Variants in CBLN4 observed in about 807,000 individuals in gnomAD.
CBLN4 encodes the protein cerebellin 4 precursor.
In CBLN4, 7 loss-of-function variants were observed where a neutral mutation model predicts 14.9. That is an observed-to-expected ratio of 0.47 (90% CI 0.27 to 0.88). The LOEUF is 0.88. Ranked by LOEUF, CBLN4 falls within the 40% of genes least tolerant of loss-of-function variation. CBLN4 has a pLI of 0.14. For synonymous variants in CBLN4, 131 were observed against 116.5 expected, an observed-to-expected ratio of 1.12 and a Z score of -0.80; for missense variants, 188 against 256.8, an observed-to-expected ratio of 0.73 and a Z score of 1.83.
Position 55,998,479 on chromosome 20 carries a change from A to G in CBLN4, c.*78T>C, listed in dbSNP as rs1986316720. On this transcript the variant is annotated 3_prime_UTR_variant, in exon 3 of 3. Transcript: ENST00000064571. Reference sequence around the variant, plus strand: ...GAAACCAATAAAAGACATCAATCCAATGATGAAAAAATGATCTTCCAATAA... The same window carrying G: ...GAAACCAATAAAAGACATCAATCCAGTGATGAAAAAATGATCTTCCAATAA... 6.6e-7 allele frequency: 1 copy of G among 1,505,936 alleles called. No individual in the cohort carries two copies. The highest frequency in any genetic ancestry group is 9.2e-7 in the Non-Finnish European group (1 of 1,089,902). The allele number at this position is 1,505,936 out of a possible 1,614,324, so 93.3% of individuals were successfully genotyped here. A position where few individuals can be genotyped will look rare whatever the true frequency, so the allele number is the denominator to read the frequency against.
rs773051164 is a variant in CBLN4 at position 56,004,133 on chromosome 20, G to C, written c.39C>G (p.Ala13=). 8.2e-6 allele frequency: 13 copies of C among 1,579,912 alleles called. No homozygotes were observed. The highest frequency in any genetic ancestry group is 1.1e-5 in the Non-Finnish European group (13 of 1,166,516). ...SGRRALSAVP[A]VLLVLTLPGL... ...CCGGCAGCGTGAGGACCAGCAGCAC[G>C]GCCGGCACCGCGGACAGCGCCCGGC... The change falls in exon 1 of 3, where the codon GCC becomes GCG. Residue 13 remains alanine, a synonymous_variant. Transcript: ENST00000064571. The surrounding 1 kb of genome is among the most constrained non-coding windows in gnomAD (Gnocchi z 6.1).
At chr20:55,999,373 T>C (rs1365259019) in intron 2 of CBLN4, among the ~76,000 whole-genome samples, 2 of 152,164 alleles carry the variant, frequency 1.3e-5, no homozygotes, top group Non-Finnish European at 2.9e-5. Context: ...TTACAACACT[T>C]TGGGAGACCA....
chr20:56,004,433 A>G lies in CBLN4; in HGVS notation c.-262T>C, dbSNP rs189601036. 6.0e-4 allele frequency: 246 copies of G among 410,420 alleles called. No individual in the cohort carries two copies. The highest frequency in any genetic ancestry group is 4.8e-3 in the African/African-American group (233 of 48,090). The allele number at this position is 410,420 out of a possible 1,614,324, so 25.4% of individuals were successfully genotyped here. ...TTTACCCTACTCTCCTCCGCCCAAG[A>G]ATCAGCCCTGCCTGGGGCCCCTGCA... On this transcript the variant is annotated 5_prime_UTR_variant, in exon 1 of 3. Coordinates refer to ENST00000064571, the MANE Select transcript of CBLN4 (RefSeq NM_080617.6). This position sits in a 1 kb window ranked among gnomAD's most constrained non-coding sequence, Gnocchi z 6.1.
In CBLN4 at chr20:56,004,534, A is replaced by G; in HGVS notation, c.-363T>C. 5.0e-6 allele frequency: 1 copy of G among 201,394 alleles called. No individual in the cohort carries two copies. Among genetic ancestry groups the G allele is most frequent in the Non-Finnish European group, 9.9e-6 (1 of 101,446 alleles). 12.5% of individuals were successfully genotyped at this position (201,394 alleles called of 1,614,324 possible). On this transcript the variant is annotated 5_prime_UTR_variant, in exon 1 of 3. Transcript: ENST00000064571. This position sits in a 1 kb window ranked among gnomAD's most constrained non-coding sequence, Gnocchi z 6.1. ...CCTCAAGGCAAAAAATAATAATAAT[A>G]ATAAATTCTCACCCCAAACTCAAGC...
rs769675747 is a variant in CBLN4, at chr20:56,004,132, C to A, written c.40G>T (p.Val14Leu). 6.3e-7 allele frequency: 1 copy of A among 1,579,896 alleles called. No homozygotes were observed. Among genetic ancestry groups the A allele is most frequent in the Non-Finnish European group, 8.6e-7 (1 of 1,166,468 alleles). ...CCCGGCAGCGTGAGGACCAGCAGCACGGCCGGCACCGCGGACAGCGCCCGG... is the reference window on the plus strand; with the variant it reads ...CCCGGCAGCGTGAGGACCAGCAGCAAGGCCGGCACCGCGGACAGCGCCCGG... ...GRRALSAVPA[V>L]LLVLTLPGLP... Residue 14 changes from valine (V) to leucine (L), a missense_variant, in exon 1 of 3, where the codon GTG (valine) becomes TTG (leucine). By Grantham distance (32) the Val-to-Leu change is conservative. Around this residue, in one of 2 missense-constraint regions of CBLN4, gnomAD observed 95 missense variants for 99.2 expected, o/e 0.96. Transcript: ENST00000064571. This position sits in a 1 kb window ranked among gnomAD's most constrained non-coding sequence, Gnocchi z 6.1.
chr20:56,002,748 A>G (rs147762488), intron 1 of CBLN4, among the ~76,000 whole-genome samples: 80 of 152,362 alleles, frequency 5.3e-4, no homozygotes, highest in African/African-American at 1.9e-3. Flanking sequence ...CTAAGCCCCT[A>G]GAGAGGCATT....
chr20:56,002,482 T>C (rs768257652), intron 1 of CBLN4, among the ~76,000 whole-genome samples: 2 of 152,258 alleles, frequency 1.3e-5, no homozygotes, highest in African/African-American at 2.4e-5. Flanking sequence ...ACCAAATGTG[T>C]GTTCTTGTCT....
rs56297678 is a variant in CBLN4, at chr20:56,000,540, C to T, written c.408+191G>A. Among the ~76,000 whole-genome samples, 1,508 of 152,128 alleles carry T rather than the reference C, an allele frequency of 9.9e-3. 12 individuals carry two copies. The highest frequency in any genetic ancestry group is 0.013 in the Non-Finnish European group (865 of 68,006). ...AACTTCAATTCTCTATTTTTCTATA[C>T]GCTTTTTGTCACGTCTTAATGGATG... On this transcript the variant is annotated intron_variant, in intron 2 of 2. Transcript: ENST00000064571.
chr20:56,000,003 A>C (rs1986342921), intron 2 of CBLN4, among the ~76,000 whole-genome samples: 1 of 152,244 alleles, frequency 6.6e-6, no homozygotes, highest in African/African-American at 2.4e-5. Flanking sequence ...GTATAACATA[A>C]ATACTGAGCA....
At position 56,000,794 on chromosome 20, in the gene CBLN4, T is replaced by C; in HGVS notation, c.345A>G (p.Pro115=). ...FFTLESVFVA[P]RKGIYSFSFH... is the part of the protein sequence containing the mutation. The stretch of plus-strand genomic sequence containing the variant: ...AACTGAAACTGTAAATTCCTTTTCT[T>C]GGTGCTACAAAGACAGACTCCAATG... The change falls in exon 2 of 3, where the codon CCA becomes CCG. Residue 115 remains proline (P), a synonymous_variant. Coordinates refer to ENST00000064571, the MANE Select transcript of CBLN4 (RefSeq NM_080617.6). 1 of 1,603,624 alleles carries C rather than the reference T, an allele frequency of 6.2e-7. No homozygotes were observed. The highest frequency in any genetic ancestry group is 8.5e-7 in the Non-Finnish European group (1 of 1,175,262).
chr20:56,005,070 G>T lies in CBLN4; in HGVS notation c.-899C>A, dbSNP rs1230826921. 1 of 152,478 alleles carries T rather than the reference G, an allele frequency of 6.6e-6. No homozygotes were observed. The highest frequency in any genetic ancestry group is 6.5e-5 in the Admixed American group (1 of 15,292). 9.4% of individuals were successfully genotyped at this position (152,478 alleles called of 1,614,324 possible). ...AACCCGCGGGCTCCGAGAAAAGGGG[G>T]AGAAGGCGTCTGGTGACCCCATCTG... On this transcript the variant is annotated 5_prime_UTR_variant, in exon 1 of 3. Coordinates refer to ENST00000064571, the MANE Select transcript of CBLN4 (RefSeq NM_080617.6).
chr20:56,000,812 C>T lies in CBLN4; in HGVS notation c.327G>A (p.Glu109=). The T allele has an allele frequency of 6.3e-7, 1 of 1,590,010 alleles. No homozygotes were observed. The highest frequency in any genetic ancestry group is 8.6e-7 in the Non-Finnish European group (1 of 1,169,476). The change falls in exon 2 of 3, where the codon GAG becomes GAA. Residue 109 remains glutamate (E), a synonymous_variant. Transcript: ENST00000064571. ...CTTTTCTTGGTGCTACAAAGACAGA[C>T]TCCAATGTGAAAAAATTACCCACAT... ...LVNVGNFFTL[E]SVFVAPRKGI...
rs749765272 is a variant in CBLN4, at chr20:55,998,644, A to G, written c.519T>C (p.Asp173=). The G allele has an allele frequency of 6.2e-7, 1 of 1,614,138 alleles. No homozygotes were observed. The highest frequency in any genetic ancestry group is 8.5e-7 in the Non-Finnish European group (1 of 1,179,974). ...NGVLLYLDKE[D]KVYLKLEKGN... ...CTTTCTCCAGTTTTAGGTAAACCTT[A>G]TCCTCTTTATCTAGGTAGAGCAGGA... Residue 173 remains aspartate, a synonymous_variant, in exon 3 of 3, where the codon GAT becomes GAC. Coordinates refer to ENST00000064571, the MANE Select transcript of CBLN4 (RefSeq NM_080617.6).
intron 2 of CBLN4, among the ~76,000 whole-genome samples, chr20:55,998,986 G>A (rs1206473276): frequency 6.6e-6 from 1 of 151,486 alleles, no homozygotes; most frequent in Admixed American, 6.6e-5. Flanking sequence ...TCCTACAAAA[G>A]AATAACATCT....
At chr20:56,002,894 A>T (rs1962321444) in intron 1 of CBLN4, among the ~76,000 whole-genome samples, 1 of 152,168 alleles carries the variant, frequency 6.6e-6, no homozygotes, top group Non-Finnish European at 1.5e-5. Context: ...AGCTTTGCAT[A>T]CAACTGTGAA....
In CBLN4 at chr20:56,003,897, A is replaced by G; in HGVS notation, c.275T>C (p.Ile92Thr). 1 of 1,610,280 alleles carries G rather than the reference A, an allele frequency of 6.2e-7. No homozygotes were observed. Residue 92 changes from isoleucine (I) to threonine (T), a missense_variant, in exon 1 of 3, where the codon ATC (isoleucine) becomes ACC (threonine). Around this residue, in one of 2 missense-constraint regions of CBLN4, gnomAD observed 93 missense variants for 157.7 expected, o/e 0.59. Coordinates refer to ENST00000064571, the MANE Select transcript of CBLN4 (RefSeq NM_080617.6). ...EPSEMSNKTR[I>T]IYFDQILVNV... ...GGGTCTGACCTGATCGAAGTAAATG[A>G]TGCGCGTCTTGTTGCTCATCTCGGA...
At position 56,001,111 on chromosome 20, in the gene CBLN4, G is replaced by T. The variant is rs901927984; in HGVS notation, c.292-264C>A. ...GGAAAATTGACTGGAATACTGGAAG[G>T]TTCTTCTGTCTTTTAAATGATATAA... On this transcript the variant is annotated intron_variant, in intron 1 of 2. Coordinates refer to ENST00000064571, the MANE Select transcript of CBLN4 (RefSeq NM_080617.6). Among the ~76,000 whole-genome samples, 5 of 152,220 alleles carry T rather than the reference G, an allele frequency of 3.3e-5. No homozygotes were observed. In the East Asian group the frequency reaches 5.8e-4, roughly 18 times the overall value.
In CBLN4 at chr20:55,998,145, T is replaced by TTAA. The variant is rs1986311397; in HGVS notation, c.*411_*412insTTA. The TTAA allele has an allele frequency of 5.4e-6, 1 of 185,644 alleles. No homozygotes were observed. Among genetic ancestry groups the TTAA allele is most frequent in the African/African-American group, 2.4e-5 (1 of 42,148 alleles). 11.5% of individuals were successfully genotyped at this position (185,644 alleles called of 1,614,324 possible). On this transcript the variant is annotated 3_prime_UTR_variant, in exon 3 of 3. Transcript: ENST00000064571. ...ATCAATATATTAACACAGTATACAG[T>TTAA]TCTTTGGCAGTATCACACTAACCGT...
intron 1 of CBLN4, among the ~76,000 whole-genome samples, chr20:56,003,319 T>C (rs1319860094): frequency 1.3e-5 from 2 of 152,128 alleles, no homozygotes; most frequent in Admixed American, 1.3e-4. Flanking sequence ...ACACGAACAG[T>C]GGAACCTGCA....
Sources: gnomAD v4.1 joint callset for allele counts (sites outside exome capture counted in the v4.1 genomes callset) on GRCh38, gnomAD v4.1.1 for gene constraint, gnomAD v4.1.1 regional missense constraint, Gnocchi (gnomAD v3.1) non-coding constraint, MANE v1.5 for transcripts, NCBI Gene and HGNC (gene_info 2026-07-23, HGNC 2026-07-21) for gene names.